KLHL40: variants seen among roughly 807,000 people sequenced by gnomAD.
The protein encoded by KLHL40 is kelch like family member 40.
A neutral mutation model predicts 49.7 loss-of-function variants in KLHL40; 44 were observed. The ratio of observed to expected loss-of-function variants is 0.89; its 90% CI spans 0.70 to 1.14. KLHL40 has a LOEUF of 1.14. Among genes scored for constraint, KLHL40 ranks in the 50% most tolerant of loss-of-function variants. The probability of loss-of-function intolerance (pLI) is 0.00; values close to 1 mark genes in which losing one functional copy is unlikely to be tolerated. For missense variants in KLHL40, 892 were observed against 850.3 expected (o/e 1.05, Z -0.61); for synonymous variants, 409 against 365.2 (o/e 1.12, Z -1.37).
chr3:42,691,343 G>A (rs893047159), intron 5 of KLHL40, among the ~76,000 whole-genome samples: 3 of 152,090 alleles, frequency 2.0e-5, no homozygotes, highest in African/African-American at 7.2e-5. Context: ...CGGGTGCTTG[G>A]TCTGGAGGGA....
intron 1 of KLHL40, among the ~76,000 whole-genome samples, chr3:42,687,878 A>T (rs892590112): frequency 2.0e-5 from 3 of 152,070 alleles, no homozygotes; most frequent in African/African-American, 7.2e-5. Flanking sequence ...GACCTCCCTC[A>T]CAGAGCTCCC....
At chr3:42,689,102 C>G in intron 4 of KLHL40, 48 bp downstream of exon 4, 1 of 1,521,222 alleles carries the variant, frequency 6.6e-7, no homozygotes, top group Non-Finnish European at 9.0e-7. Flanking sequence ...TGGCTTTGGG[C>G]TTCTGTCAGC....
In KLHL40 at chr3:42,690,924, C is replaced by G; in HGVS notation, c.1673C>G (p.Thr558Ser). The G allele has an allele frequency of 6.2e-7, 1 of 1,613,768 alleles. No homozygotes were observed. The highest frequency in any genetic ancestry group is 8.5e-7 in the Non-Finnish European group (1 of 1,179,766). ...SSLSLVSLVG[T>S]LYAIGGFATL... Reference sequence around the variant, plus strand: ...CTCAGCCTGGTCAGCCTGGTGGGTACCCTCTATGCCATTGGTGGCTTTGCC... The same window carrying G: ...CTCAGCCTGGTCAGCCTGGTGGGTAGCCTCTATGCCATTGGTGGCTTTGCC... Residue 558 changes from threonine (T) to serine (S), a missense_variant, in exon 5 of 6, where the codon ACC (threonine) becomes AGC (serine). Transcript: ENST00000287777.
rs1361005010 is a variant in KLHL40, at chr3:42,688,889, G to A, written c.1442G>A (p.Cys481Tyr). The change falls in exon 4 of 6, where the codon TGC becomes TAC. Residue 481 changes from cysteine to tyrosine, a missense_variant. Cys to Tyr is a radical substitution (Grantham distance 194). Coordinates refer to ENST00000287777, the MANE Select transcript of KLHL40 (RefSeq NM_152393.4). This position sits in a 1 kb window ranked among gnomAD's most constrained non-coding sequence, Gnocchi z 4.2. The stretch of plus-strand genomic sequence containing the variant: ...CACAGGAAGTGCCTGAACAAGATGT[G>A]CGTCTATGACCCCAAGAAGTTTGAG... Reference protein sequence around the residue: ...GSDRKCLNKMCVYDPKKFEWK... With the variant: ...GSDRKCLNKMYVYDPKKFEWK... The A allele has an allele frequency of 1.2e-6, 2 of 1,613,902 alleles. No homozygotes were observed. The highest frequency in any genetic ancestry group is 8.5e-7 in the Non-Finnish European group (1 of 1,179,958).
Position 42,689,000 on chromosome 3 carries a change from T to C in KLHL40, c.1553T>C (p.Val518Ala). 6.2e-7 allele frequency: 1 copy of C among 1,614,010 alleles called. No individual in the cohort carries two copies. The highest frequency in any genetic ancestry group is 8.5e-7 in the Non-Finnish European group (1 of 1,180,010). The change falls in exon 4 of 6, where the codon GTC (valine) becomes GCC (alanine). Residue 518 changes from valine to alanine, a missense_variant. Coordinates refer to ENST00000287777, the MANE Select transcript of KLHL40 (RefSeq NM_152393.4). This position sits in a 1 kb window ranked among gnomAD's most constrained non-coding sequence, Gnocchi z 4.2. ...HDGRIIVAAG[V>A]TDTGLTSSAE... is the part of the protein sequence containing the mutation. ...GGCCGCATTATCGTGGCAGCTGGGG[T>C]CACCGACACAGGGCTGACCAGTTCT...
In KLHL40 at chr3:42,690,851, A is replaced by C. The variant is rs574791343; in HGVS notation, c.1608-8A>C. 1.3e-6 allele frequency: 2 copies of C among 1,587,476 alleles called. No individual in the cohort carries two copies. Among genetic ancestry groups the C allele is most frequent in the South Asian group, 1.1e-5 (1 of 87,802 alleles). On this transcript the variant is annotated splice_region_variant and splice_polypyrimidine_tract_variant and intron_variant, in intron 4 of 5. Transcript: ENST00000287777. ...ATCCCAATGATGCACCTTCTCACAC[A>C]CCCCCAGGTGGGCACCCTTCGAGGC...
In KLHL40 at chr3:42,688,134, G is replaced by A. The variant is rs1697301087; in HGVS notation, c.1153-8G>A. ...GGGGCGGTAGCTGACTGGACACCTG[G>A]CCTGCAGTTTGACCATCTGGACTCA... On this transcript the variant is annotated splice_polypyrimidine_tract_variant and splice_region_variant and intron_variant, in intron 1 of 5. Coordinates refer to ENST00000287777, the MANE Select transcript of KLHL40 (RefSeq NM_152393.4). This position sits in a 1 kb window ranked among gnomAD's most constrained non-coding sequence, Gnocchi z 4.2. The A allele has an allele frequency of 6.2e-7, 1 of 1,613,908 alleles. No individual in the cohort carries two copies.
rs1165730247 is a variant in KLHL40, at chr3:42,685,727, G to A, written c.109G>A (p.Val37Met). ...CCATGGCAAGTTCCTCGACTGTGTG[G>A]TGCGGGCGGGCGAGCGCGAGTTCCC... ...LDHGKFLDCVVRAGEREFPCH... is the reference protein window; with the variant it reads ...LDHGKFLDCVMRAGEREFPCH... The change falls in exon 1 of 6, where the codon GTG (valine) becomes ATG (methionine). Residue 37 changes from valine to methionine, a missense_variant. Physicochemically the swap from Val to Met is conservative, Grantham distance 21. Transcript: ENST00000287777. The A allele has an allele frequency of 6.2e-7, 1 of 1,613,048 alleles. No homozygotes were observed.
chr3:42,690,924 C>T lies in KLHL40; in HGVS notation c.1673C>T (p.Thr558Ile). The T allele has an allele frequency of 6.2e-7, 1 of 1,613,768 alleles. No individual in the cohort carries two copies. The highest frequency in any genetic ancestry group is 8.5e-7 in the Non-Finnish European group (1 of 1,179,766). The change falls in exon 5 of 6, where the codon ACC becomes ATC. Residue 558 changes from threonine (T) to isoleucine (I), a missense_variant. By Grantham distance (89) the Thr-to-Ile change is moderately conservative. Coordinates refer to ENST00000287777, the MANE Select transcript of KLHL40 (RefSeq NM_152393.4). ...CTCAGCCTGGTCAGCCTGGTGGGTA[C>T]CCTCTATGCCATTGGTGGCTTTGCC... Reference protein sequence around the residue: ...SSLSLVSLVGTLYAIGGFATL... With the variant: ...SSLSLVSLVGILYAIGGFATL...
rs781322851 is a variant in KLHL40 at position 42,688,234 on chromosome 3, C to T, written c.1245C>T (p.Tyr415=). The change falls in exon 2 of 6, where the codon TAC becomes TAT. Residue 415 remains tyrosine, a synonymous_variant. Transcript: ENST00000287777. This position sits in a 1 kb window ranked among gnomAD's most constrained non-coding sequence, Gnocchi z 4.2. ...FGLGEALNSI[Y]VVGGREIKDG... ...TGGGAGAAGCTCTCAACTCCATCTA[C>T]GTGGTCGGTGGCAGAGAGATCAAGG... 14 of 1,613,876 alleles carry T rather than the reference C, an allele frequency of 8.7e-6. No individual in the cohort carries two copies. Among genetic ancestry groups the T allele is most frequent in the African/African-American group, 2.7e-5 (2 of 74,882 alleles).
chr3:42,688,218 C>G lies in KLHL40; in HGVS notation c.1229C>G (p.Ala410Gly). ...CGCTGCCTCTTTGGCCTGGGAGAAG[C>G]TCTCAACTCCATCTACGTGGTCGGT... ...SPRCLFGLGE[A>G]LNSIYVVGGR... Residue 410 changes from alanine (A) to glycine (G), a missense_variant, in exon 2 of 6, where the codon GCT becomes GGT. Transcript: ENST00000287777. The surrounding 1 kb of genome is among the most constrained non-coding windows in gnomAD (Gnocchi z 4.2). The G allele has an allele frequency of 6.2e-7, 1 of 1,613,986 alleles. No individual in the cohort carries two copies. Among genetic ancestry groups the G allele is most frequent in the South Asian group, 1.1e-5 (1 of 91,066 alleles).
At chr3:42,690,782 T>C (rs1697350574) in intron 4 of KLHL40, 77 bp from the exon 5 acceptor site, 1 of 1,475,950 alleles carries the variant, frequency 6.8e-7, no homozygotes, top group East Asian at 2.3e-5. Context: ...CAGTTGGAGC[T>C]GTGGGTGCTG....
At position 42,688,436 on chromosome 3, in the gene KLHL40, G is replaced by A. The variant is rs1167536865; in HGVS notation, c.1313+134G>A. The stretch of plus-strand genomic sequence containing the variant: ...AGTGAAGGTGGGCTTGGGTAAGGGC[G>A]GGGAGGTTGGGGGGCAGGGTGGGAT... On this transcript the variant is annotated intron_variant, in intron 2 of 5. Transcript: ENST00000287777. The surrounding 1 kb of genome is among the most constrained non-coding windows in gnomAD (Gnocchi z 4.2). The A allele has an allele frequency of 2.2e-5, 23 of 1,024,912 alleles. No homozygotes were observed. Among genetic ancestry groups the A allele is most frequent in the East Asian group, 1.3e-4 (5 of 38,586 alleles). The allele number at this position is 1,024,912 out of a possible 1,614,324, so 63.5% of individuals were successfully genotyped here.
At position 42,688,401 on chromosome 3, in the gene KLHL40, T is replaced by A; in HGVS notation, c.1313+99T>A. On this transcript the variant is annotated intron_variant, in intron 2 of 5. Coordinates refer to ENST00000287777, the MANE Select transcript of KLHL40 (RefSeq NM_152393.4). This position sits in a 1 kb window ranked among gnomAD's most constrained non-coding sequence, Gnocchi z 4.2. ...TGGGGTGGGATTTGGAGCTAGAGCC[T>A]TGTGCTTAGAGTGAAGGTGGGCTTG... 1 of 1,386,542 alleles carries A rather than the reference T, an allele frequency of 7.2e-7. No homozygotes were observed. The allele number at this position is 1,386,542 out of a possible 1,614,324, so 85.9% of individuals were successfully genotyped here. A position where few individuals can be genotyped will look rare whatever the true frequency, so the allele number is the denominator to read the frequency against.
In KLHL40 at chr3:42,691,871, C is replaced by G; in HGVS notation, c.1755-11C>G. The G allele has an allele frequency of 1.3e-6, 2 of 1,569,970 alleles. No homozygotes were observed. Among genetic ancestry groups the G allele is most frequent in the Non-Finnish European group, 1.8e-6 (2 of 1,139,840 alleles). On this transcript the variant is annotated splice_polypyrimidine_tract_variant and intron_variant, in intron 5 of 5. Coordinates refer to ENST00000287777, the MANE Select transcript of KLHL40 (RefSeq NM_152393.4). ...CTCTCCATCCTTGTCCCCACTCTCT[C>G]TCATCCCCAGGTATAACGAGGAGGA... is the stretch of plus-strand genomic sequence containing the variant.
chr3:42,688,541 G>C lies in KLHL40; in HGVS notation c.1314-69G>C, dbSNP rs556753249. On this transcript the variant is annotated intron_variant, in intron 2 of 5. Transcript: ENST00000287777. This position sits in a 1 kb window ranked among gnomAD's most constrained non-coding sequence, Gnocchi z 4.2. ...ATGTGTTAGGTGGATGGGCGGATGG[G>C]TGCAGAGACAGGGACTGAGCCGAGC... 7.4e-5 allele frequency: 88 copies of C among 1,196,792 alleles called. No individual in the cohort carries two copies. The African/African-American group carries it at 1.1e-3, about 15-fold the overall frequency. 74.1% of individuals were successfully genotyped at this position (1,196,792 alleles called of 1,614,324 possible).
rs1697389353 is a variant in KLHL40 at position 42,692,389 on chromosome 3, CCTT to C, written c.*400_*402del. 4.9e-6 allele frequency: 2 copies of C among 404,048 alleles called. No homozygotes were observed. The highest frequency in any genetic ancestry group is 4.6e-6 in the Non-Finnish European group (1 of 219,290). 25.0% of individuals were successfully genotyped at this position (404,048 alleles called of 1,614,324 possible). ...TGCAGTGTACAGTGCAGATATGTCT[CCTT>C]CTTTAGGAAGAATAAAGTGCCTTCT... On this transcript the variant is annotated 3_prime_UTR_variant, in exon 6 of 6. Transcript: ENST00000287777.
At position 42,692,143 on chromosome 3, in the gene KLHL40, G is replaced by T; in HGVS notation, c.*150G>T. 1 of 621,234 alleles carries T rather than the reference G, an allele frequency of 1.6e-6. No individual in the cohort carries two copies. The allele number at this position is 621,234 out of a possible 1,614,324, so 38.5% of individuals were successfully genotyped here. On this transcript the variant is annotated 3_prime_UTR_variant, in exon 6 of 6. Transcript: ENST00000287777. ...TCAGGGGCTGCGTCAGCCAAGGAAA[G>T]GGAAGTGCTGCTTAGTCCTGGACTT...
rs1697279873 is a variant in KLHL40 at position 42,686,723 on chromosome 3, T to C, written c.1105T>C (p.Tyr369His). The change falls in exon 1 of 6, where the codon TAC becomes CAC. Residue 369 changes from tyrosine (Y) to histidine (H), a missense_variant. By Grantham distance (83) the Tyr-to-His change is moderately conservative (BLOSUM62 2). Coordinates refer to ENST00000287777, the MANE Select transcript of KLHL40 (RefSeq NM_152393.4). ...GGTCTTCGTGGCTGGAGGCCTCTTC[T>C]ACAACGAAGACAACAAAGAGGACCC... ...NQVFVAGGLF[Y>H]NEDNKEDPMS... The C allele has an allele frequency of 1.9e-6, 3 of 1,613,258 alleles. No individual in the cohort carries two copies. The highest frequency in any genetic ancestry group is 2.5e-6 in the Non-Finnish European group (3 of 1,179,968).
Sources: gnomAD v4.1 joint callset for allele counts (sites outside exome capture counted in the v4.1 genomes callset) on GRCh38, gnomAD v4.1.1 for gene constraint, Gnocchi (gnomAD v3.1) non-coding constraint, MANE v1.5 for transcripts, NCBI Gene and HGNC (gene_info 2026-07-23, HGNC 2026-07-21) for gene names.